Variants in ADCY7 observed in about 807,000 individuals in gnomAD.
ADCY7 encodes adenylate cyclase 7, also known as adenylate cyclase type 7.
In ADCY7, 72 loss-of-function variants were observed where a neutral mutation model predicts 120.6. The ratio of observed to expected loss-of-function variants is 0.60; its 90% CI spans 0.49 to 0.73. The LOEUF is 0.73. Among genes scored for constraint, ADCY7 ranks in the 30% least tolerant of loss-of-function variants. The pLI is 0.00. For missense variants in ADCY7, 1,227 were observed against 1,486.0 expected (o/e 0.83, Z 2.87); for synonymous variants, 661 against 628.0 (o/e 1.05, Z -0.78).
rs188691916 is a variant in ADCY7 at position 50,251,244 on chromosome 16, A to T, written c.-64+5041A>T. On this transcript the variant is annotated intron_variant, in intron 1 of 4. Transcript: ENST00000564044. ...GATAGAGCGAGACCCTGATTTAAAA[A>T]AAAAAAGAAAGAAAAAGAAAAAAAA... Among the ~76,000 whole-genome samples the T allele has an allele frequency of 2.5e-3, 384 of 152,274 alleles. 6 individuals carry two copies. The highest frequency in any genetic ancestry group is 8.8e-3 in the African/African-American group (365 of 41,552).
chr16:50,269,864 TG>T (rs1412405370), intron 1 of ADCY7, among the ~76,000 whole-genome samples: 2 of 152,016 alleles, frequency 1.3e-5, no homozygotes, highest in Non-Finnish European at 1.5e-5. Context: ...TAGCCTTTCA[TG>T]GGGTGGGAGG....
At chr16:50,250,081 T>C (rs948388769) in intron 1 of ADCY7, among the ~76,000 whole-genome samples, 1 of 152,310 alleles carries the variant, frequency 6.6e-6, no homozygotes. Flanking sequence ...TTCTCACTTA[T>C]ACAATGCGGA....
At position 50,308,669 on chromosome 16, in the gene ADCY7, G is replaced by T. The variant is rs775512161; in HGVS notation, c.1938G>T (p.Arg646Ser). The stretch of plus-strand genomic sequence containing the variant: ...GACTTGACCCTGTTACCCCACAGAG[G>T]TGCTGCCCAGCTCGGGGGACGCTCT... The part of the protein sequence containing the change: ...LGLCFATKFS[R>S]CCPARGTLCT... Residue 646 changes from arginine (R) to serine (S), a missense_variant and splice_region_variant, in exon 17 of 26, where the codon AGG becomes AGT. By Grantham distance (110) the Arg-to-Ser change is moderately radical. Transcript: ENST00000673801. 6.2e-7 allele frequency: 1 copy of T among 1,611,664 alleles called. No homozygotes were observed. The highest frequency in any genetic ancestry group is 8.5e-7 in the Non-Finnish European group (1 of 1,178,952).
At chr16:50,275,459 C>T (rs1440647989) in intron 1 of ADCY7, among the ~76,000 whole-genome samples, 1 of 152,220 alleles carries the variant, frequency 6.6e-6, no homozygotes, top group Non-Finnish European at 1.5e-5. Flanking sequence ...CCAAAGTCAG[C>T]ATTTCCCAAA....
intron 1 of ADCY7, among the ~76,000 whole-genome samples, chr16:50,284,006 G>C (rs1434376966): frequency 6.6e-5 from 10 of 152,190 alleles, no homozygotes; most frequent in African/African-American, 2.4e-4. Context: ...CTTTATCCAG[G>C]GCCTTGTGGG....
intron 15 of ADCY7, 111 bp downstream of exon 15, chr16:50,307,258 G>T: frequency 9.9e-7 from 1 of 1,012,238 alleles, no homozygotes; most frequent in Non-Finnish European, 1.5e-6. Flanking sequence ...TCGGCTGCTG[G>T]GGTCCTAGCA....
intron 20 of ADCY7, 27 bp downstream of exon 20, chr16:50,311,813 C>CCT: frequency 7.6e-7 from 1 of 1,314,888 alleles, no homozygotes; most frequent in East Asian, 2.8e-5. Flanking sequence ...CCCCCCCCCC[C>CCT]CCAAGCTCTG....
chr16:50,278,531 G>C (rs931435439), intron 1 of ADCY7, among the ~76,000 whole-genome samples: 2 of 152,154 alleles, frequency 1.3e-5, no homozygotes, highest in African/African-American at 4.8e-5. Flanking sequence ...TTTTGATTGT[G>C]CTTTTGGTAA....
upstream of ADCY7, chr16:50,266,490 TGCC>T (rs955709759): frequency 1.3e-4 from 21 of 164,360 alleles, no homozygotes; most frequent in South Asian, 3.9e-4. Context: ...TTAGCCTTGC[TGCC>T]GCCGCCGCCG....
intron 17 of ADCY7, 73 bp downstream of exon 17, chr16:50,308,865 G>A: frequency 6.6e-7 from 1 of 1,505,930 alleles, no homozygotes; most frequent in Non-Finnish European, 8.9e-7. Context: ...CTACAATGTG[G>A]CCTTAAAAGC....
intron 21 of ADCY7, among the ~76,000 whole-genome samples, chr16:50,312,530 A>G (rs1421012519): frequency 2.6e-5 from 4 of 152,134 alleles, no homozygotes; most frequent in African/African-American, 4.8e-5. Flanking sequence ...GTTGATGAAA[A>G]TGTCTGTACT....
At chr16:50,272,652 G>T (rs1398055739) in intron 1 of ADCY7, among the ~76,000 whole-genome samples, 1 of 152,216 alleles carries the variant, frequency 6.6e-6, no homozygotes, top group Non-Finnish European at 1.5e-5. Flanking sequence ...CTGGGGGCCA[G>T]TCTTGTGGGC....
At chr16:50,305,412 T>C in intron 12 of ADCY7, 91 bp from the exon 13 acceptor site, 3 of 1,149,852 alleles carry the variant, frequency 2.6e-6, no homozygotes, top group Non-Finnish European at 3.9e-6. Flanking sequence ...CCTGAGGTTC[T>C]GGGACCCCAC....
intron 1 of ADCY7, among the ~76,000 whole-genome samples, chr16:50,287,019 ATT>A (rs71138057): frequency 0.014 from 2,087 of 144,286 alleles, 51 homozygotes; most frequent in African/African-American, 0.048. Flanking sequence ...TGGGTATTTG[ATT>A]TTTTTTTTTT....
upstream of ADCY7, among the ~76,000 whole-genome samples, chr16:50,262,260 C>CTTT (rs397977712): frequency 7.0e-6 from 1 of 142,220 alleles, no homozygotes; most frequent in Non-Finnish European, 1.5e-5. Context: ...CCTCAGATCT[C>CTTT]TTTTTTTTTT....
At chr16:50,292,944 C>T in intron 5 of ADCY7, 119 bp downstream of exon 5, 1 of 1,332,506 alleles carries the variant, frequency 7.5e-7, no homozygotes, top group Non-Finnish European at 1.0e-6. Context: ...CCATGCAGGT[C>T]TCACCTCGGT....
At chr16:50,313,058 T>C in intron 22 of ADCY7, 22 bp downstream of exon 22, 2 of 1,613,264 alleles carry the variant, frequency 1.2e-6, no homozygotes, top group Non-Finnish European at 1.7e-6. Context: ...AGCCCAGCCT[T>C]GCGCAGCAGC....
chr16:50,273,681 C>T (rs1255598115), intron 1 of ADCY7, among the ~76,000 whole-genome samples: 1 of 152,220 alleles, frequency 6.6e-6, no homozygotes, highest in East Asian at 1.9e-4. Context: ...ATCCCCATTG[C>T]TCAGGTGAGA....
In ADCY7 at chr16:50,310,806, C is replaced by T. The variant is rs1367725803; in HGVS notation, c.2280C>T (p.Asn760=). 1.9e-6 allele frequency: 3 copies of T among 1,614,112 alleles called. No homozygotes were observed. Among genetic ancestry groups the T allele is most frequent in the East Asian group, 2.2e-5 (1 of 44,880 alleles). ...TGGTGGCCTACCTGGTGCTCTTCAA[C>T]CTCTCCCCATGCTGGCAGTGGGACT... ...VALVAYLVLF[N]LSPCWQWDCC... Residue 760 remains asparagine, a synonymous_variant, in exon 19 of 26, where the codon AAC becomes AAT. Coordinates refer to ENST00000673801, the MANE Select transcript of ADCY7 (RefSeq NM_001114.5).
Sources: gnomAD v4.1 joint callset for allele counts (sites outside exome capture counted in the v4.1 genomes callset) on GRCh38, gnomAD v4.1.1 for gene constraint, MANE v1.5 for transcripts, NCBI Gene and HGNC (gene_info 2026-07-23, HGNC 2026-07-21) for gene names.